The following FOXN2 variants were observed in gnomAD, a reference collection of about 807,000 sequenced individuals.
The protein encoded by FOXN2 is forkhead box protein N2.
Under a neutral mutation model 41.2 loss-of-function variants are expected in FOXN2, and 19 were observed. The observed-to-expected ratio is 0.46, with a 90% CI of 0.32 to 0.68. The LOEUF (loss-of-function observed/expected upper bound fraction) is 0.68. FOXN2 is among the 30% of genes least tolerant of loss of function. The pLI, the probability that FOXN2 is intolerant of heterozygous loss-of-function variation, is 0.03. For synonymous variants in FOXN2, 195 were observed against 176.8 expected (o/e 1.10, Z -0.82); for missense variants, 587 against 509.4 (o/e 1.15, Z -1.47).
intron 5 of FOXN2, among the ~76,000 whole-genome samples, chr2:48,365,419 C>T (rs180989514): frequency 3.9e-5 from 6 of 152,306 alleles, no homozygotes; most frequent in African/African-American, 1.4e-4. Flanking sequence ...TAAAGTCTGA[C>T]ACTTATTCTC....
chr2:48,329,509 C>T (rs750906603), intron 2 of FOXN2, among the ~76,000 whole-genome samples: 1 of 151,988 alleles, frequency 6.6e-6, no homozygotes, highest in African/African-American at 2.4e-5. Flanking sequence ...TTCTGCACTC[C>T]CATCCCCCTT....
chr2:48,362,259 A>C (rs545936938), intron 4 of FOXN2, among the ~76,000 whole-genome samples: 4 of 152,230 alleles, frequency 2.6e-5, no homozygotes, highest in African/African-American at 9.6e-5. Context: ...TGTATTTGTG[A>C]CTAAGTTCTA....
intron 2 of FOXN2, among the ~76,000 whole-genome samples, chr2:48,333,349 A>T (rs1406184096): frequency 6.6e-6 from 1 of 152,126 alleles, no homozygotes; most frequent in African/African-American, 2.4e-5. Context: ...TAGCTTTAGC[A>T]TTTAAAATTC....
intron 2 of FOXN2, among the ~76,000 whole-genome samples, chr2:48,343,870 G>A (rs1670924625): frequency 6.6e-6 from 1 of 152,108 alleles, no homozygotes; most frequent in Admixed American, 6.6e-5. Context: ...GCATTTTAAA[G>A]CCTATGACAT....
chr2:48,321,425 A>G (rs1200124877), intron 1 of FOXN2, among the ~76,000 whole-genome samples: 4 of 152,046 alleles, frequency 2.6e-5, no homozygotes, highest in Non-Finnish European at 4.4e-5. Flanking sequence ...AGTCCCAGCT[A>G]CTCGGGAGGC....
At chr2:48,367,887 G>A (rs145504166) in intron 5 of FOXN2, among the ~76,000 whole-genome samples, 315 of 152,290 alleles carry the variant, frequency 2.1e-3, no homozygotes, top group Non-Finnish European at 3.7e-3. Flanking sequence ...TGTCAACCAG[G>A]CTGGAAGTGC....
upstream of FOXN2, among the ~76,000 whole-genome samples, chr2:48,314,287 C>T (rs914547879): frequency 2.0e-5 from 3 of 152,266 alleles, no homozygotes; most frequent in Non-Finnish European, 4.4e-5. Flanking sequence ...GCGGCCGCGC[C>T]GCGCCTCCGC....
At chr2:48,328,152 C>A (rs764217359) in intron 1 of FOXN2, among the ~76,000 whole-genome samples, 1 of 152,202 alleles carries the variant, frequency 6.6e-6, no homozygotes. Context: ...GACAAGACCA[C>A]GTGTTTATAT....
At chr2:48,350,588 A>C (rs529512562) in intron 3 of FOXN2, among the ~76,000 whole-genome samples, 1 of 152,192 alleles carries the variant, frequency 6.6e-6, no homozygotes, top group Non-Finnish European at 1.5e-5. Context: ...CTACACCACT[A>C]TCTGATCTTC....
In FOXN2 at chr2:48,365,399, A is replaced by C. The variant is rs1572770346; in HGVS notation, c.703+2692A>C. On this transcript the variant is annotated intron_variant, in intron 5 of 6. Coordinates refer to ENST00000340553, the MANE Select transcript of FOXN2 (RefSeq NM_002158.4). ...ATTGCCAAAATGCCTTTATCTTTGT[A>C]TTGCCTCAATAAAGTCTGACACTTA... Among the ~76,000 whole-genome samples, 3 of 152,266 alleles carry C rather than the reference A, an allele frequency of 2.0e-5. No individual in the cohort carries two copies. The South Asian group carries it at 6.2e-4, about 32-fold the overall frequency.
At position 48,362,660 on chromosome 2, in the gene FOXN2, A is replaced by C; in HGVS notation, c.656A>C (p.His219Pro). ...TTTTTCAGTGGTTCTTTATCACCTC[A>C]CTATTTAAGCTCTGTAATCAAGCAG... ...ASSQNGSLSP[H>P]YLSSVIKQNQ... The change falls in exon 5 of 7, where the codon CAC becomes CCC. Residue 219 changes from histidine (H) to proline (P), a missense_variant. Transcript: ENST00000340553. 1 of 1,613,964 alleles carries C rather than the reference A, an allele frequency of 6.2e-7. No homozygotes were observed. The highest frequency in any genetic ancestry group is 8.5e-7 in the Non-Finnish European group (1 of 1,179,888).
At chr2:48,356,846 A>C (rs951200150) in intron 3 of FOXN2, among the ~76,000 whole-genome samples, 2 of 152,204 alleles carry the variant, frequency 1.3e-5, no homozygotes, top group African/African-American at 4.8e-5. Flanking sequence ...AACCTTTAGC[A>C]GTTCTCTACC....
chr2:48,313,764 T>C (rs533272307), upstream of FOXN2, among the ~76,000 whole-genome samples: 1 of 152,344 alleles, frequency 6.6e-6, no homozygotes, highest in South Asian at 2.1e-4. Flanking sequence ...CGTTTCCGTA[T>C]CTGTAAAGTT....
At chr2:48,350,138 A>G (rs1360861796) in intron 3 of FOXN2, among the ~76,000 whole-genome samples, 1 of 152,216 alleles carries the variant, frequency 6.6e-6, no homozygotes, top group South Asian at 2.1e-4. Flanking sequence ...TTCAGTTGCC[A>G]TTTATCCACA....
chr2:48,329,021 T>C (rs1169292674), intron 2 of FOXN2, among the ~76,000 whole-genome samples: 1 of 152,194 alleles, frequency 6.6e-6, no homozygotes, highest in Non-Finnish European at 1.5e-5. Context: ...TTTAGATCTT[T>C]TGTGGTACTG....
intron 5 of FOXN2, among the ~76,000 whole-genome samples, chr2:48,372,271 CA>C (rs1402317117): frequency 6.6e-6 from 1 of 152,132 alleles, no homozygotes; most frequent in Non-Finnish European, 1.5e-5. Flanking sequence ...TCAATAACAA[CA>C]GCATTTCCTA....
At chr2:48,336,439 G>A (rs970148154) in intron 2 of FOXN2, among the ~76,000 whole-genome samples, 5 of 146,518 alleles carry the variant, frequency 3.4e-5, no homozygotes, top group South Asian at 2.3e-4. Context: ...ATGTATATGT[G>A]TGTGTGTGTG....
At chr2:48,330,680 G>A (rs966203916) in intron 2 of FOXN2, among the ~76,000 whole-genome samples, 3 of 151,908 alleles carry the variant, frequency 2.0e-5, no homozygotes, top group Non-Finnish European at 4.4e-5. Context: ...TTCTTGGTGG[G>A]TGGTAAAATA....
chr2:48,347,272 C>G (rs1671173038), intron 3 of FOXN2, among the ~76,000 whole-genome samples: 1 of 141,146 alleles, frequency 7.1e-6, no homozygotes, highest in South Asian at 2.3e-4. Context: ...TGTCACCCAG[C>G]CTGGAGTACA....
Sources: allele counts gnomAD v4.1 joint callset (sites outside exome capture counted in the v4.1 genomes callset), GRCh38; gene constraint gnomAD v4.1.1; transcripts MANE v1.5; gene names NCBI Gene and HGNC (gene_info 2026-07-23, HGNC 2026-07-21).